FBXW4: variants seen among roughly 807,000 people sequenced by gnomAD.
FBXW4 encodes F-box and WD repeat domain containing 4.
A neutral mutation model predicts 61.8 loss-of-function variants in FBXW4; 40 were observed. That is an observed-to-expected ratio of 0.65 (90% CI 0.50 to 0.84). FBXW4 has a LOEUF of 0.84. Ranked by LOEUF, FBXW4 falls within the 40% of genes least tolerant of loss-of-function variation. FBXW4 has a pLI of 0.00. For synonymous variants in FBXW4, 311 were observed against 313.8 expected, an observed-to-expected ratio of 0.99 and a Z score of 0.10; for missense variants, 672 against 753.8, an observed-to-expected ratio of 0.89 and a Z score of 1.27.
intron 5 of FBXW4, among the ~76,000 whole-genome samples, chr10:101,657,407 T>C (rs539851144): frequency 6.6e-6 from 1 of 152,178 alleles, no homozygotes; most frequent in South Asian, 2.1e-4. Context: ...CCAAGGTGGA[T>C]GGCATCACCT....
intron 5 of FBXW4, among the ~76,000 whole-genome samples, chr10:101,650,397 C>T (rs1052164811): frequency 2.0e-5 from 3 of 152,222 alleles, no homozygotes; most frequent in African/African-American, 7.2e-5. Context: ...CTGACCTGTG[C>T]TCTAGCACCC....
chr10:101,687,694 T>TA (rs2134919310), intron 1 of FBXW4, among the ~76,000 whole-genome samples: 1 of 152,232 alleles, frequency 6.6e-6, no homozygotes, highest in South Asian at 2.1e-4. Context: ...TTCATACAAA[T>TA]ACGAATCCCC....
At chr10:101,643,958 C>G (rs927945259) in intron 5 of FBXW4, among the ~76,000 whole-genome samples, 7 of 152,190 alleles carry the variant, frequency 4.6e-5, no homozygotes, top group Non-Finnish European at 4.4e-5. Context: ...CTCTGCCCTC[C>G]CCGCAAAGCC....
chr10:101,630,566 G>GT lies in FBXW4; in HGVS notation c.1236-5757dup, dbSNP rs542299035. On this transcript the variant is annotated intron_variant, in intron 5 of 8. Transcript: ENST00000331272. ...CTCCGCCACTGACATCATTACAGCA[G>GT]TAAGTCCCAAAGCATGAATACAGTG... is the stretch of plus-strand genomic sequence containing the variant. 2.5e-3 allele frequency among the ~76,000 whole-genome samples: 376 copies of GT among 152,318 alleles called. 4 individuals are homozygous for GT. The highest frequency in any genetic ancestry group is 8.7e-3 in the African/African-American group (362 of 41,566).
At chr10:101,674,897 CA>C (rs1293386918) in intron 2 of FBXW4, among the ~76,000 whole-genome samples, 1 of 152,204 alleles carries the variant, frequency 6.6e-6, no homozygotes, top group African/African-American at 2.4e-5. Context: ...CCAAGGTGGA[CA>C]TCCCACCTGT....
chr10:101,611,726 A>T lies in FBXW4; in HGVS notation c.1486T>A (p.Tyr496Asn). Residue 496 changes from tyrosine (Y) to asparagine (N), a missense_variant, in exon 8 of 9, where the codon TAC (tyrosine) becomes AAC (asparagine). Physicochemically the swap from Tyr to Asn is moderately radical, Grantham distance 143. This residue lies in a region of FBXW4 where 312 missense variants were observed against 370.1 expected (regional missense o/e 0.84). Transcript: ENST00000331272. The surrounding 1 kb of genome is among the most constrained non-coding windows in gnomAD (Gnocchi z 4.9). Reference sequence around the variant, plus strand: ...TGGTTGCCATCTGTCTGCAGGCAGTACAGGGTGCTGTCGTGGGGCTCCTCC... The same window carrying T: ...TGGTTGCCATCTGTCTGCAGGCAGTTCAGGGTGCTGTCGTGGGGCTCCTCC... ...EWEEPHDSTL[Y>N]CLQTDGNHLL... The T allele has an allele frequency of 6.2e-7, 1 of 1,614,180 alleles. No individual in the cohort carries two copies. The highest frequency in any genetic ancestry group is 1.7e-5 in the Admixed American group (1 of 60,026).
At chr10:101,623,467 G>C (rs1232529921) in intron 6 of FBXW4, among the ~76,000 whole-genome samples, 2 of 152,098 alleles carry the variant, frequency 1.3e-5, no homozygotes, top group Admixed American at 6.5e-5. Flanking sequence ...GAAGAAATTG[G>C]ATCTCTCATA....
intron 7 of FBXW4, 93 bp downstream of exon 7, chr10:101,612,242 CTG>C: frequency 7.6e-7 from 1 of 1,321,474 alleles, no homozygotes; most frequent in Non-Finnish European, 9.8e-7. Flanking sequence ...CATGGAGTCT[CTG>C]TGCCCTCTCC....
intron 5 of FBXW4, among the ~76,000 whole-genome samples, chr10:101,632,894 G>A (rs2063970384): frequency 6.6e-6 from 1 of 152,100 alleles, no homozygotes; most frequent in Admixed American, 6.5e-5. Context: ...GCTATACATG[G>A]TAATTACTTG....
At chr10:101,665,427 G>C (rs2064288685) in intron 5 of FBXW4, among the ~76,000 whole-genome samples, 1 of 152,100 alleles carries the variant, frequency 6.6e-6, no homozygotes, top group African/African-American at 2.4e-5. Context: ...AACACTGTGA[G>C]ACCCCTCTCA....
At chr10:101,681,452 T>G (rs997467815) in intron 1 of FBXW4, among the ~76,000 whole-genome samples, 3 of 149,650 alleles carry the variant, frequency 2.0e-5, no homozygotes, top group Admixed American at 6.7e-5. Flanking sequence ...GCGCGGTGGC[T>G]CACGCCTGTA....
At chr10:101,674,638 T>C (rs1317416194) in intron 2 of FBXW4, among the ~76,000 whole-genome samples, 1 of 152,188 alleles carries the variant, frequency 6.6e-6, no homozygotes, top group Non-Finnish European at 1.5e-5. Context: ...CATTTCTGTA[T>C]TAGAGAGTAA....
At chr10:101,668,864 T>C (rs1248192836) in intron 4 of FBXW4, among the ~76,000 whole-genome samples, 3 of 152,096 alleles carry the variant, frequency 2.0e-5, no homozygotes, top group African/African-American at 7.2e-5. Flanking sequence ...ATCTCAGACG[T>C]ACAGGACTAT....
chr10:101,651,716 C>T (rs150915058), intron 5 of FBXW4, among the ~76,000 whole-genome samples: 3,436 of 152,080 alleles, frequency 0.023, 58 homozygotes, highest in Non-Finnish European at 0.032. Flanking sequence ...CCACCCACTG[C>T]TTGCTTTTGT....
intron 6 of FBXW4, among the ~76,000 whole-genome samples, chr10:101,622,518 G>A (rs1404387793): frequency 6.6e-6 from 1 of 152,034 alleles, no homozygotes; most frequent in Admixed American, 6.6e-5. Context: ...ACGAGGTCAG[G>A]AGATCGAGAC....
intron 5 of FBXW4, among the ~76,000 whole-genome samples, chr10:101,651,148 G>C (rs976894565): frequency 6.6e-6 from 1 of 152,178 alleles, no homozygotes; most frequent in African/African-American, 2.4e-5. Context: ...CCCAGGGATT[G>C]TACAGGCCTG....
At chr10:101,641,344 T>C (rs1235202285) in intron 5 of FBXW4, among the ~76,000 whole-genome samples, 1 of 152,196 alleles carries the variant, frequency 6.6e-6, no homozygotes, top group Non-Finnish European at 1.5e-5. Context: ...TCTTTATCTT[T>C]GAAAATTTTC....
chr10:101,656,336 C>T (rs2064185155), intron 5 of FBXW4, among the ~76,000 whole-genome samples: 1 of 152,182 alleles, frequency 6.6e-6, no homozygotes, highest in South Asian at 2.1e-4. Context: ...ATAAGTGTCT[C>T]CAGCCTGGAA....
intron 5 of FBXW4, among the ~76,000 whole-genome samples, chr10:101,662,106 C>T (rs1281036984): frequency 6.6e-6 from 1 of 152,196 alleles, no homozygotes; most frequent in Non-Finnish European, 1.5e-5. Context: ...AGTTGGCTGC[C>T]TCCTTTTCCA....
Sources: allele counts gnomAD v4.1 joint callset (sites outside exome capture counted in the v4.1 genomes callset), GRCh38; gene constraint gnomAD v4.1.1; regional missense constraint gnomAD v4.1.1; non-coding constraint Gnocchi (gnomAD v3.1); transcripts MANE v1.5; gene names NCBI Gene and HGNC (gene_info 2026-07-23, HGNC 2026-07-21).